Variants in KIAA0513 observed in about 807,000 individuals in gnomAD.
KIAA0513 encodes KIAA0513, also known as uncharacterized protein KIAA0513.
Under a neutral mutation model 56.5 loss-of-function variants are expected in KIAA0513, and 39 were observed. The observed-to-expected ratio is 0.69, with a 90% confidence interval of 0.53 to 0.90. The LOEUF is 0.90. KIAA0513 is among the 40% of genes least tolerant of loss of function. KIAA0513 has a pLI of 0.00. For missense variants in KIAA0513, 591 were observed against 535.2 expected (o/e 1.10, Z -1.03); for synonymous variants, 268 against 215.6 (o/e 1.24, Z -2.13).
At chr16:85,047,031 T>A (rs1169458435) in intron 1 of KIAA0513, among the ~76,000 whole-genome samples, 1 of 152,250 alleles carries the variant, frequency 6.6e-6, no homozygotes, top group Non-Finnish European at 1.5e-5. Context: ...AATATTACGT[T>A]AGGAAGCTGT....
intron 4 of KIAA0513, among the ~76,000 whole-genome samples, chr16:85,073,688 C>T (rs2073612942): frequency 6.6e-6 from 1 of 152,210 alleles, no homozygotes; most frequent in Non-Finnish European, 1.5e-5. Flanking sequence ...TGGGCAGTGG[C>T]CTGACCGACC....
rs1008310922 is a variant in KIAA0513, at chr16:85,076,881, C to T, written c.575-544C>T. 1.3e-5 allele frequency among the ~76,000 whole-genome samples: 2 copies of T among 152,196 alleles called. No individual in the cohort carries two copies. The highest frequency in any genetic ancestry group is 2.9e-5 in the Non-Finnish European group (2 of 68,022). On this transcript the variant is annotated intron_variant, in intron 5 of 12. Coordinates refer to ENST00000683363, the MANE Select transcript of KIAA0513 (RefSeq NM_001388359.1). This position sits in a 1 kb window ranked among gnomAD's most constrained non-coding sequence, Gnocchi z 4.7. ...CCACAGCAGCTTCAGCTAGCGAGGA[C>T]ACCCCACTGGGACCTGCAGAGGGCC... is the stretch of plus-strand genomic sequence containing the variant.
intron 1 of KIAA0513, among the ~76,000 whole-genome samples, chr16:85,028,953 C>A (rs1195289512): frequency 6.6e-6 from 1 of 152,204 alleles, no homozygotes; most frequent in Non-Finnish European, 1.5e-5. Context: ...CATCCTCCTC[C>A]CTCAGCCTAA....
At chr16:85,039,701 G>A (rs28621734) in intron 1 of KIAA0513, among the ~76,000 whole-genome samples, 13,329 of 152,166 alleles carry the variant, frequency 0.088, 1,030 homozygotes, top group African/African-American at 0.19. Context: ...TTGAACTCCT[G>A]ACCTCAAGTG....
chr16:85,059,670 T>G (rs2073376675), intron 1 of KIAA0513, among the ~76,000 whole-genome samples: 1 of 152,212 alleles, frequency 6.6e-6, no homozygotes, highest in Non-Finnish European at 1.5e-5. Context: ...AATGGTTTTG[T>G]GTAGTGCTGC....
chr16:85,061,339 A>T (rs2073401995), intron 1 of KIAA0513, among the ~76,000 whole-genome samples: 1 of 152,128 alleles, frequency 6.6e-6, no homozygotes, highest in African/African-American at 2.4e-5. Flanking sequence ...TCGCTGTAAG[A>T]GGTGAGGATG....
At chr16:85,071,742 GTT>G (rs373903661) in intron 2 of KIAA0513, 39 bp from the exon 3 acceptor site, 1,100 of 1,082,910 alleles carry the variant, frequency 1.0e-3, no homozygotes, top group Middle Eastern at 1.7e-3. Flanking sequence ...ATTGAAAAGG[GTT>G]TTTTTTTTTT....
At chr16:85,086,231 C>G (rs1004530767) in intron 10 of KIAA0513, among the ~76,000 whole-genome samples, 1 of 152,228 alleles carries the variant, frequency 6.6e-6, no homozygotes, top group African/African-American at 2.4e-5. Context: ...GCCCGCTGTC[C>G]TGGGACGTTG....
intron 1 of KIAA0513, among the ~76,000 whole-genome samples, chr16:85,058,564 A>AT (rs1040127637): frequency 1.3e-5 from 2 of 151,942 alleles, no homozygotes; most frequent in Non-Finnish European, 1.5e-5. Flanking sequence ...AGGCAGGAGA[A>AT]TCGCATGAAT....
chr16:85,038,260 T>C (rs918901443), intron 1 of KIAA0513, among the ~76,000 whole-genome samples: 1 of 152,224 alleles, frequency 6.6e-6, no homozygotes, highest in Non-Finnish European at 1.5e-5. Flanking sequence ...TGGATCATAG[T>C]GACCTCCCCG....
At position 85,092,942 on chromosome 16, in the gene KIAA0513, C is replaced by T. The variant is rs1001913568; in HGVS notation, c.*4617C>T. Reference sequence around the variant, plus strand: ...TGTTCTCCTGCGGCCAACACTGGCCCGGAAGCCGCCCTCCATACAGGCCCT... The same window carrying T: ...TGTTCTCCTGCGGCCAACACTGGCCTGGAAGCCGCCCTCCATACAGGCCCT... On this transcript the variant is annotated 3_prime_UTR_variant, in exon 13 of 13. Coordinates refer to ENST00000683363, the MANE Select transcript of KIAA0513 (RefSeq NM_001388359.1). 5 of 152,304 alleles carry T rather than the reference C, an allele frequency of 3.3e-5. No individual in the cohort carries two copies. Among genetic ancestry groups the T allele is most frequent in the African/African-American group, 9.6e-5 (4 of 41,460 alleles). 9.4% of individuals were successfully genotyped at this position (152,304 alleles called of 1,614,324 possible). A position where few individuals can be genotyped will look rare whatever the true frequency, so the allele number is the denominator to read the frequency against.
At chr16:85,041,008 CTA>C (rs2073097972) in intron 1 of KIAA0513, among the ~76,000 whole-genome samples, 1 of 152,168 alleles carries the variant, frequency 6.6e-6, no homozygotes, top group Non-Finnish European at 1.5e-5. Context: ...CAAAGCAGGA[CTA>C]GAGTGCAGAA....
At chr16:85,028,295 G>T (rs1463574281) in intron 1 of KIAA0513, among the ~76,000 whole-genome samples, 1 of 152,180 alleles carries the variant, frequency 6.6e-6, no homozygotes, top group Non-Finnish European at 1.5e-5. Flanking sequence ...TCTGGGGAGA[G>T]GGTGCAAGGA....
At chr16:85,058,315 T>C (rs149659168) in intron 1 of KIAA0513, among the ~76,000 whole-genome samples, 21 of 152,308 alleles carry the variant, frequency 1.4e-4, no homozygotes, top group African/African-American at 4.8e-4. Flanking sequence ...CTGTACCAAA[T>C]TGATTTCATG....
chr16:85,028,056 G>T (rs1214125462), intron 1 of KIAA0513, among the ~76,000 whole-genome samples, 198 bp downstream of exon 1: 1 of 152,166 alleles, frequency 6.6e-6, no homozygotes, highest in African/African-American at 2.4e-5. Context: ...TCAGGCCGGG[G>T]TTCTCCGCGG....
chr16:85,062,739 C>G (rs888925324), intron 1 of KIAA0513, among the ~76,000 whole-genome samples: 47 of 152,334 alleles, frequency 3.1e-4, no homozygotes, highest in African/African-American at 1.1e-3. Flanking sequence ...AGCTCTGATA[C>G]TCCTGGGTCT....
At chr16:85,044,126 A>G (rs911994074) in intron 1 of KIAA0513, among the ~76,000 whole-genome samples, 1 of 152,200 alleles carries the variant, frequency 6.6e-6, no homozygotes, top group Non-Finnish European at 1.5e-5. Flanking sequence ...CCTCAATAGG[A>G]CAGAAAGAAG....
At chr16:85,083,376 A>G (rs2073771169) in intron 10 of KIAA0513, among the ~76,000 whole-genome samples, 1 of 152,146 alleles carries the variant, frequency 6.6e-6, no homozygotes, top group South Asian at 2.1e-4. Flanking sequence ...AATCAGTGGT[A>G]TGTCTGTAGT....
Position 85,077,570 on chromosome 16 carries a change from T to A in KIAA0513, c.720T>A (p.Asn240Lys). ...AGAACACCTCGGCCAGGACTGAGAATGTCAAGGGCTTCTTCGGGGGGCTGG... is the reference window on the plus strand; with the variant it reads ...AGAACACCTCGGCCAGGACTGAGAAAGTCAAGGGCTTCTTCGGGGGGCTGG... Reference protein sequence around the residue: ...LLKNTSARTENVKGFFGGLET... With the variant: ...LLKNTSARTEKVKGFFGGLET... The change falls in exon 6 of 13, where the codon AAT becomes AAA. Residue 240 changes from asparagine to lysine, a missense_variant. Physicochemically the swap from Asn to Lys is moderately conservative, Grantham distance 94 (BLOSUM62 0). Coordinates refer to ENST00000683363, the MANE Select transcript of KIAA0513 (RefSeq NM_001388359.1). The A allele has an allele frequency of 6.2e-7, 1 of 1,614,106 alleles. No individual in the cohort carries two copies. The highest frequency in any genetic ancestry group is 2.2e-5 in the East Asian group (1 of 44,868).
Sources: gnomAD v4.1 joint callset for allele counts (sites outside exome capture counted in the v4.1 genomes callset) on GRCh38, gnomAD v4.1.1 for gene constraint, Gnocchi (gnomAD v3.1) non-coding constraint, MANE v1.5 for transcripts, NCBI Gene and HGNC (gene_info 2026-07-23, HGNC 2026-07-21) for gene names.